ASIC2: variants seen among roughly 807,000 people sequenced by gnomAD.
ASIC2 encodes the protein acid-sensing ion channel 2.
Under a neutral mutation model 57.3 loss-of-function variants are expected in ASIC2, and 25 were observed. That is an observed-to-expected ratio of 0.44 (90% CI 0.32 to 0.61). The LOEUF is 0.61. Among genes scored for constraint, ASIC2 ranks in the 20% least tolerant of loss-of-function variants. ASIC2 has a pLI of 0.06. For missense variants in ASIC2, 641 were observed against 738.1 expected (o/e 0.87, Z 1.52); for synonymous variants, 319 against 307.5 (o/e 1.04, Z -0.39).
In ASIC2 at chr17:33,272,087, T is replaced by C. The variant is rs576853413; in HGVS notation, c.708+19321A>G. On this transcript the variant is annotated intron_variant, in intron 1 of 9. Transcript: ENST00000225823. The stretch of plus-strand genomic sequence containing the variant: ...GCCTCTAGGTCTTCCCTTGATTGCA[T>C]CCCCCTATCATTTTGATCTTGGCTC... Among the ~76,000 whole-genome samples the C allele has an allele frequency of 1.3e-4, 20 of 152,302 alleles. 1 individual carries two copies. Among genetic ancestry groups the C allele is most frequent in the Admixed American group, 9.1e-4 (14 of 15,302 alleles).
At chr17:33,178,497 G>A (rs1248790968) in intron 1 of ASIC2, among the ~76,000 whole-genome samples, 1 of 152,114 alleles carries the variant, frequency 6.6e-6, no homozygotes, top group African/African-American at 2.4e-5. Flanking sequence ...TAGGCACCAG[G>A]GACAAAATCA....
At chr17:33,072,259 C>T (rs1334775127) in intron 3 of ASIC2, among the ~76,000 whole-genome samples, 2 of 152,144 alleles carry the variant, frequency 1.3e-5, no homozygotes, top group Non-Finnish European at 2.9e-5. Context: ...TTTGGGGTCA[C>T]CATCCCTTGT....
intron 1 of ASIC2, among the ~76,000 whole-genome samples, chr17:33,116,883 T>G (rs2092283336): frequency 6.6e-6 from 1 of 152,050 alleles, no homozygotes; most frequent in Non-Finnish European, 1.5e-5. Context: ...AGGGCCTTGC[T>G]TTGTCACCCA....
chr17:33,014,009 G>C lies in ASIC2; in HGVS notation c.1648C>G (p.Pro550Ala). ...SETISHTVNV[P>A]LQTTLGTLEE... ...AAGGTCCCCAGGGTCGTCTGCAGGG[G>C]CACGTTCACAGTGTGACTGATGGTT... Residue 550 changes from proline (P) to alanine (A), a missense_variant, in exon 10 of 10, where the codon CCC (proline) becomes GCC (alanine). Transcript: ENST00000225823. The C allele has an allele frequency of 6.2e-7, 1 of 1,604,926 alleles. No homozygotes were observed. The highest frequency in any genetic ancestry group is 1.1e-5 in the South Asian group (1 of 88,922).
intron 1 of ASIC2, among the ~76,000 whole-genome samples, chr17:33,915,172 C>A (rs938238935): frequency 6.6e-6 from 1 of 152,156 alleles, no homozygotes; most frequent in Non-Finnish European, 1.5e-5. Context: ...GGTGACAAGA[C>A]CAATAATCCA....
chr17:33,638,426 A>C (rs1906440912), intron 1 of ASIC2, among the ~76,000 whole-genome samples: 1 of 152,214 alleles, frequency 6.6e-6, no homozygotes, highest in African/African-American at 2.4e-5. Context: ...GATTTATCTC[A>C]CTGTCATAAT....
chr17:33,700,628 A>G (rs1338550610), intron 1 of ASIC2, among the ~76,000 whole-genome samples: 1 of 152,254 alleles, frequency 6.6e-6, no homozygotes, highest in African/African-American at 2.4e-5. Context: ...TAAAGCATTC[A>G]CAGGGAAGCT....
intron 1 of ASIC2, among the ~76,000 whole-genome samples, chr17:33,680,370 C>T (rs1373174175): frequency 1.3e-5 from 2 of 152,130 alleles, no homozygotes; most frequent in East Asian, 3.9e-4. Context: ...TGGGAAGGAG[C>T]TCATGGAAAG....
At chr17:33,087,232 A>G (rs1195415913) in intron 3 of ASIC2, among the ~76,000 whole-genome samples, 1 of 152,052 alleles carries the variant, frequency 6.6e-6, no homozygotes, top group East Asian at 1.9e-4. Context: ...TTAGCCTTGA[A>G]CTTTGCCCCT....
At chr17:34,015,702 A>G (rs1452123415) in intron 1 of ASIC2, among the ~76,000 whole-genome samples, 1 of 152,258 alleles carries the variant, frequency 6.6e-6, no homozygotes, top group Non-Finnish European at 1.5e-5. Flanking sequence ...CTAATTCTAT[A>G]TTCCTTTCGT....
At chr17:33,631,578 T>A (rs1906170197) in intron 1 of ASIC2, among the ~76,000 whole-genome samples, 1 of 152,106 alleles carries the variant, frequency 6.6e-6, no homozygotes, top group Non-Finnish European at 1.5e-5. Flanking sequence ...GCCGGGAAGA[T>A]GGAATGCGAT....
At chr17:33,056,639 C>T (rs1004352679) in intron 3 of ASIC2, among the ~76,000 whole-genome samples, 5 of 152,136 alleles carry the variant, frequency 3.3e-5, no homozygotes, top group Admixed American at 2.0e-4. Context: ...TACTGGCCAG[C>T]GAATGAATGA....
At chr17:33,645,654 GAC>G (rs1335825931) in intron 1 of ASIC2, among the ~76,000 whole-genome samples, 11 of 152,070 alleles carry the variant, frequency 7.2e-5, no homozygotes, top group Admixed American at 7.2e-4. Context: ...CCATATTTTT[GAC>G]ACCTGGTATC....
intron 1 of ASIC2, among the ~76,000 whole-genome samples, chr17:33,158,902 A>G (rs1454168436): frequency 6.6e-6 from 1 of 152,310 alleles, no homozygotes; most frequent in African/African-American, 2.4e-5. Context: ...TCACAAATGG[A>G]ATTCATGTGT....
chr17:33,307,941 T>C (rs1906251972), intron 1 of ASIC2, among the ~76,000 whole-genome samples: 1 of 152,252 alleles, frequency 6.6e-6, no homozygotes, highest in Non-Finnish European at 1.5e-5. Context: ...AGTGCACTTA[T>C]CTCATAATTG....
At chr17:33,433,489 C>G (rs1911489612) in intron 1 of ASIC2, among the ~76,000 whole-genome samples, 2 of 152,206 alleles carry the variant, frequency 1.3e-5, no homozygotes, top group South Asian at 4.1e-4. Flanking sequence ...GGCACAGTGG[C>G]TCACGCCTGT....
intron 1 of ASIC2, among the ~76,000 whole-genome samples, chr17:33,177,935 T>G (rs1567774366): frequency 6.6e-6 from 1 of 152,170 alleles, no homozygotes; most frequent in Non-Finnish European, 1.5e-5. Flanking sequence ...CTGTGAGACC[T>G]GATCAAAACT....
At chr17:33,183,800 T>A (rs1309986690) in intron 1 of ASIC2, among the ~76,000 whole-genome samples, 1 of 152,214 alleles carries the variant, frequency 6.6e-6, no homozygotes, top group African/African-American at 2.4e-5. Flanking sequence ...GCATTCCAAC[T>A]GTATATGCTC....
intron 1 of ASIC2, among the ~76,000 whole-genome samples, chr17:33,763,880 C>T (rs999076429): frequency 6.6e-6 from 1 of 152,140 alleles, no homozygotes; most frequent in African/African-American, 2.4e-5. Flanking sequence ...GGTCCCTTTC[C>T]CCCAGCCCTA....
Sources: allele counts gnomAD v4.1 joint callset (sites outside exome capture counted in the v4.1 genomes callset), GRCh38; gene constraint gnomAD v4.1.1; transcripts MANE v1.5; gene names NCBI Gene and HGNC (gene_info 2026-07-23, HGNC 2026-07-21).